The following STK39 variants were observed in gnomAD, a reference collection of about 807,000 sequenced individuals.
STK39 encodes serine/threonine kinase 39.
Under a neutral mutation model 77.8 loss-of-function variants are expected in STK39, and 20 were observed. The observed-to-expected ratio is 0.26, with a 90% CI of 0.18 to 0.37. The LOEUF (loss-of-function observed/expected upper bound fraction) is 0.37, where lower values mean the gene tolerates loss of function less well. Ranked by LOEUF, STK39 falls within the 10% of genes least tolerant of loss-of-function variation. The pLI is 1.00. For missense variants in STK39, 479 were observed against 656.5 expected, an observed-to-expected ratio of 0.73 and a Z score of 2.95; for synonymous variants, 246 against 234.1, an observed-to-expected ratio of 1.05 and a Z score of -0.47.
chr2:168,048,393 T>A (rs1275654809), intron 14 of STK39, among the ~76,000 whole-genome samples: 3 of 152,072 alleles, frequency 2.0e-5, no homozygotes, highest in African/African-American at 7.2e-5. Context: ...TTTGTATTTT[T>A]AGTAGAGACG....
chr2:167,994,922 T>C (rs554486371), intron 16 of STK39, among the ~76,000 whole-genome samples: 1 of 151,954 alleles, frequency 6.6e-6, no homozygotes, highest in South Asian at 2.1e-4. Flanking sequence ...TAACAGTAAA[T>C]TGGGTAAGTA....
intron 10 of STK39, among the ~76,000 whole-genome samples, chr2:168,124,637 G>C (rs1687493334): frequency 6.6e-6 from 1 of 152,142 alleles, no homozygotes; most frequent in African/African-American, 2.4e-5. Context: ...GACCTCAAGT[G>C]ATCCTCCCAC....
intron 1 of STK39, among the ~76,000 whole-genome samples, chr2:168,187,989 A>G (rs1236043751): frequency 1.3e-5 from 2 of 152,206 alleles, no homozygotes; most frequent in East Asian, 3.8e-4. Flanking sequence ...CTTTAATAAG[A>G]GTTTGACCAT....
At chr2:168,066,258 A>G (rs1055098291) in intron 12 of STK39, among the ~76,000 whole-genome samples, 13 of 152,348 alleles carry the variant, frequency 8.5e-5, no homozygotes, top group African/African-American at 2.9e-4. Flanking sequence ...TCTGCAATTT[A>G]CTTTGAAATG....
chr2:167,978,763 T>C lies in STK39; in HGVS notation c.1499-14037A>G, dbSNP rs11897449. 2.1e-3 allele frequency among the ~76,000 whole-genome samples: 317 copies of C among 152,286 alleles called. 4 individuals carry two copies. The highest frequency in any genetic ancestry group is 7.4e-3 in the African/African-American group (306 of 41,570). On this transcript the variant is annotated intron_variant, in intron 16 of 17. Transcript: ENST00000355999. ...CTGTGTCCCTTTGTAATTCCTCCCA[T>C]CTTCCTCTTCCTGATCCGCTGCCTT...
chr2:167,969,615 A>G (rs919574551), intron 16 of STK39, among the ~76,000 whole-genome samples: 15 of 152,186 alleles, frequency 9.9e-5, no homozygotes, highest in African/African-American at 3.1e-4. Flanking sequence ...AATCTTATTC[A>G]TCTCTGTAAA....
chr2:168,063,117 A>G (rs1344153945), intron 14 of STK39, among the ~76,000 whole-genome samples: 1 of 152,180 alleles, frequency 6.6e-6, no homozygotes, highest in Non-Finnish European at 1.5e-5. Context: ...TAGTACAAGC[A>G]TGGTTTATTT....
At chr2:168,010,879 A>G (rs1684252942) in intron 16 of STK39, among the ~76,000 whole-genome samples, 1 of 152,268 alleles carries the variant, frequency 6.6e-6, no homozygotes, top group Non-Finnish European at 1.5e-5. Flanking sequence ...TTTACATTCC[A>G]AAGTTACTAG....
intron 16 of STK39, 104 bp from the exon 17 acceptor site, chr2:167,964,830 C>T: frequency 3.2e-6 from 3 of 950,930 alleles, no homozygotes; most frequent in Middle Eastern, 2.5e-4. Flanking sequence ...CAATAAACTG[C>T]AAAATCATTT....
intron 10 of STK39, among the ~76,000 whole-genome samples, chr2:168,123,449 T>C (rs1213354158): frequency 6.6e-6 from 1 of 152,112 alleles, no homozygotes; most frequent in Non-Finnish European, 1.5e-5. Context: ...TATTTAGAGG[T>C]AAAGGGCATT....
intron 2 of STK39, among the ~76,000 whole-genome samples, chr2:168,171,026 TG>T (rs1487410748): frequency 6.6e-6 from 1 of 152,202 alleles, no homozygotes; most frequent in Non-Finnish European, 1.5e-5. Context: ...TTGAACACAG[TG>T]GCTCCCTTGG....
intron 10 of STK39, among the ~76,000 whole-genome samples, chr2:168,101,673 G>C (rs1330035595): frequency 1.3e-5 from 2 of 152,134 alleles, no homozygotes; most frequent in East Asian, 3.8e-4. Flanking sequence ...GGGAGGCAGA[G>C]GCTGCAGGGG....
chr2:168,101,989 C>A (rs940738022), intron 10 of STK39, among the ~76,000 whole-genome samples: 1 of 152,148 alleles, frequency 6.6e-6, no homozygotes, highest in African/African-American at 2.4e-5. Context: ...ACTTCTATCT[C>A]TATGGATTTG....
intron 1 of STK39, among the ~76,000 whole-genome samples, chr2:168,186,943 CA>C (rs1375428966): frequency 2.6e-5 from 4 of 152,192 alleles, no homozygotes; most frequent in African/African-American, 4.8e-5. Context: ...TCTGATACAG[CA>C]TGATGAGCAT....
intron 1 of STK39, among the ~76,000 whole-genome samples, chr2:168,238,945 T>G (rs1320209008): frequency 6.6e-6 from 1 of 152,170 alleles, no homozygotes; most frequent in East Asian, 1.9e-4. Flanking sequence ...ACATGGAGAA[T>G]TTTATTTAAA....
intron 14 of STK39, among the ~76,000 whole-genome samples, chr2:168,057,329 A>G (rs1685551333): frequency 6.6e-6 from 1 of 152,208 alleles, no homozygotes; most frequent in Admixed American, 6.5e-5. Flanking sequence ...AGTAGCTGGG[A>G]TTATAGCCAT....
intron 14 of STK39, among the ~76,000 whole-genome samples, chr2:168,044,988 A>T (rs2105357564): frequency 6.6e-6 from 1 of 152,294 alleles, no homozygotes; most frequent in South Asian, 2.1e-4. Flanking sequence ...AGAGAAAGAA[A>T]AGCATTCAGT....
intron 14 of STK39, among the ~76,000 whole-genome samples, chr2:168,017,727 A>AT (rs980766330): frequency 4.6e-5 from 7 of 151,806 alleles, no homozygotes; most frequent in African/African-American, 1.2e-4. Context: ...AATGGTATCC[A>AT]TTTTTTTTCT....
chr2:168,129,440 A>T, intron 10 of STK39, 101 bp downstream of exon 10: 1 of 1,284,076 alleles, frequency 7.8e-7, no homozygotes, highest in Non-Finnish European at 1.1e-6. Context: ...GCGTCTGAAT[A>T]GTATATCCTG....
Sources: gnomAD v4.1 joint callset for allele counts (sites outside exome capture counted in the v4.1 genomes callset) on GRCh38, gnomAD v4.1.1 for gene constraint, MANE v1.5 for transcripts, NCBI Gene and HGNC (gene_info 2026-07-23, HGNC 2026-07-21) for gene names.